BMPR1B: variants seen among roughly 807,000 people sequenced by gnomAD.
The protein encoded by BMPR1B is bone morphogenetic protein receptor type-1B.
In BMPR1B, 12 loss-of-function variants were observed where a neutral mutation model predicts 59.1. That is an observed-to-expected ratio of 0.20 (90% CI 0.13 to 0.33). The LOEUF is 0.33. Among genes scored for constraint, BMPR1B ranks in the 10% least tolerant of loss-of-function variants. BMPR1B has a pLI of 1.00. For synonymous variants in BMPR1B, 237 were observed against 207.3 expected, an observed-to-expected ratio of 1.14 and a Z score of -1.23; for missense variants, 550 against 610.9, an observed-to-expected ratio of 0.90 and a Z score of 1.05.
rs1560602784 is a variant in BMPR1B, at chr4:95,026,097, C to CCTTT, written c.-18+29963_-18+29964insCTTT. On this transcript the variant is annotated intron_variant, in intron 3 of 12. Transcript: ENST00000515059. ...CTTGGCTGGCTGGATTGCTTTCTTT[C>CCTTT]ATTTCTTTCTTTCTTTCTTTCTTTC... 1.3e-3 allele frequency among the ~76,000 whole-genome samples: 31 copies of CCTTT among 23,914 alleles called. No individual in the cohort carries two copies. In the East Asian group the frequency reaches 0.028, roughly 21 times the overall value. The allele number at this position is 23,914 out of a possible 152,430, so 15.7% of individuals were successfully genotyped here.
In BMPR1B at chr4:95,137,829, C is replaced by A. The variant is rs553320462; in HGVS notation, c.1076+6317C>A. On this transcript the variant is annotated intron_variant, in intron 10 of 12. Coordinates refer to ENST00000515059, the MANE Select transcript of BMPR1B (RefSeq NM_001203.3). ...GCACATGAGATGGGTCTCCTGAATA[C>A]AGCACACTGATGGGTCTTGACTCTT... Among the ~76,000 whole-genome samples the A allele has an allele frequency of 2.6e-5, 4 of 152,302 alleles. No individual in the cohort carries two copies. The East Asian group carries it at 5.8e-4, about 22-fold the overall frequency.
chr4:94,887,740 A>G (rs1448816213), intron 2 of BMPR1B, among the ~76,000 whole-genome samples: 2 of 152,068 alleles, frequency 1.3e-5, no homozygotes, highest in African/African-American at 4.8e-5. Flanking sequence ...TCATAGAGAA[A>G]GTGGTGGAAA....
In BMPR1B at chr4:95,154,773, T is replaced by A; in HGVS notation, c.*100T>A. Reference sequence around the variant, plus strand: ...CAAATAAGCATCCACAGTACAAGCCTTGAACATCGTCCTGCTTCCCAGTGG... The same window carrying A: ...CAAATAAGCATCCACAGTACAAGCCATGAACATCGTCCTGCTTCCCAGTGG... On this transcript the variant is annotated 3_prime_UTR_variant, in exon 13 of 13. Coordinates refer to ENST00000515059, the MANE Select transcript of BMPR1B (RefSeq NM_001203.3). 1 of 1,537,396 alleles carries A rather than the reference T, an allele frequency of 6.5e-7. No homozygotes were observed. The highest frequency in any genetic ancestry group is 9.0e-7 in the Non-Finnish European group (1 of 1,117,028).
chr4:94,829,634 G>A (rs966372855), intron 1 of BMPR1B, among the ~76,000 whole-genome samples: 1 of 152,062 alleles, frequency 6.6e-6, no homozygotes, highest in Admixed American at 6.6e-5. Flanking sequence ...GATGCACACC[G>A]GTAGATAAAA....
intron 3 of BMPR1B, among the ~76,000 whole-genome samples, chr4:95,052,463 G>T (rs1726574307): frequency 6.6e-6 from 1 of 152,156 alleles, no homozygotes; most frequent in Non-Finnish European, 1.5e-5. Context: ...GGCAGTGATT[G>T]CAAAGAGGGA....
chr4:95,046,764 C>G (rs1423290803), intron 3 of BMPR1B, among the ~76,000 whole-genome samples: 1 of 152,138 alleles, frequency 6.6e-6, no homozygotes, highest in Non-Finnish European at 1.5e-5. Context: ...TCAGAACTTT[C>G]TTTGAAGACT....
chr4:94,932,870 C>G (rs527645610), intron 2 of BMPR1B, among the ~76,000 whole-genome samples: 3 of 152,236 alleles, frequency 2.0e-5, no homozygotes, highest in African/African-American at 7.2e-5. Flanking sequence ...GAATATCACT[C>G]AGAAAGTTCT....
chr4:95,020,685 A>G (rs1345172982), intron 3 of BMPR1B, among the ~76,000 whole-genome samples: 1 of 151,610 alleles, frequency 6.6e-6, no homozygotes, highest in African/African-American at 2.4e-5. Context: ...GTGAAACACC[A>G]ATTTATTTTT....
At chr4:95,005,614 G>A (rs1256304455) in intron 3 of BMPR1B, among the ~76,000 whole-genome samples, 1 of 151,814 alleles carries the variant, frequency 6.6e-6, no homozygotes, top group Non-Finnish European at 1.5e-5. Flanking sequence ...TCTTCTTCCC[G>A]GCTCCTTCCT....
At chr4:94,921,818 T>C (rs1207068327) in intron 2 of BMPR1B, among the ~76,000 whole-genome samples, 2 of 152,190 alleles carry the variant, frequency 1.3e-5, no homozygotes, top group African/African-American at 4.8e-5. Flanking sequence ...TTTTTGTGAA[T>C]TTTGAAGTAT....
chr4:95,022,962 C>G (rs540539841), intron 3 of BMPR1B, among the ~76,000 whole-genome samples: 1 of 152,276 alleles, frequency 6.6e-6, no homozygotes, highest in African/African-American at 2.4e-5. Flanking sequence ...TAAATGAAAG[C>G]CACCCTGTTA....
At chr4:94,982,755 G>A (rs949633063) in intron 2 of BMPR1B, among the ~76,000 whole-genome samples, 1 of 152,096 alleles carries the variant, frequency 6.6e-6, no homozygotes. Flanking sequence ...CACTTTGGGA[G>A]GCTGAGGCGG....
chr4:94,987,074 TTA>T (rs1721458345), intron 2 of BMPR1B, among the ~76,000 whole-genome samples: 1 of 146,190 alleles, frequency 6.8e-6, no homozygotes, highest in Non-Finnish European at 1.5e-5. Context: ...TATATAATAT[TTA>T]TGTTATATAT....
intron 2 of BMPR1B, among the ~76,000 whole-genome samples, chr4:94,905,407 A>G (rs1727997932): frequency 6.6e-6 from 1 of 152,020 alleles, no homozygotes; most frequent in East Asian, 1.9e-4. Flanking sequence ...TGAAAACTAT[A>G]GTTTTTATAA....
intron 1 of BMPR1B, among the ~76,000 whole-genome samples, chr4:94,808,841 A>G (rs1381124230): frequency 2.0e-5 from 3 of 152,146 alleles, no homozygotes; most frequent in Non-Finnish European, 4.4e-5. Flanking sequence ...CGGATCACAA[A>G]GTCAGGAGTT....
intron 2 of BMPR1B, among the ~76,000 whole-genome samples, chr4:94,937,537 C>A (rs1560556467): frequency 6.6e-6 from 1 of 152,126 alleles, no homozygotes; most frequent in African/African-American, 2.4e-5. Context: ...TAGCACCCTG[C>A]TATTCATAGT....
intron 9 of BMPR1B, 46 bp downstream of exon 9, chr4:95,130,100 C>A (rs754556364): frequency 6.3e-7 from 1 of 1,591,058 alleles, no homozygotes; most frequent in Non-Finnish European, 8.6e-7. Flanking sequence ...CCTAGCTTTC[C>A]TCTGTCTTTC....
At chr4:95,051,556 C>CT in intron 3 of BMPR1B, 1 of 698,782 alleles carries the variant, frequency 1.4e-6, no homozygotes, top group Non-Finnish European at 2.4e-6. Flanking sequence ...ACAGGCTTGT[C>CT]TTTCACGGTC....
intron 1 of BMPR1B, among the ~76,000 whole-genome samples, chr4:94,819,622 C>T (rs777006647): frequency 3.1e-4 from 47 of 152,288 alleles, no homozygotes; most frequent in Admixed American, 4.6e-4. Context: ...CTCCCTTCTC[C>T]CCGAGGACCT....
Sources: allele counts gnomAD v4.1 joint callset (sites outside exome capture counted in the v4.1 genomes callset), GRCh38; gene constraint gnomAD v4.1.1; transcripts MANE v1.5; gene names NCBI Gene and HGNC (gene_info 2026-07-23, HGNC 2026-07-21).